Variants in RLBP1 observed in about 807,000 individuals in gnomAD.
RLBP1 encodes the protein retinaldehyde-binding protein 1.
RLBP1 carries 26 observed loss-of-function variants against 36.2 expected under a neutral mutation model. The observed-to-expected ratio is 0.72, with a 90% CI of 0.53 to 1.00. The LOEUF (loss-of-function observed/expected upper bound fraction) is 1.00, where lower values mean the gene tolerates loss of function less well. Among genes scored for constraint, RLBP1 ranks in the 50% least tolerant of loss-of-function variants. The probability of loss-of-function intolerance (pLI) is 0.00; values close to 1 mark genes in which losing one functional copy is unlikely to be tolerated. For missense variants in RLBP1, 410 were observed against 402.4 expected (o/e 1.02, Z -0.16); for synonymous variants, 155 against 156.2 (o/e 0.99, Z 0.06).
chr15:89,215,225 G>A lies in RLBP1; in HGVS notation c.360C>T (p.Phe120=). ...AYELLRGYVN[F]RLQYPELFDS... is the part of the protein sequence containing the mutation. Reference sequence around the variant, plus strand: ...CAAAGAGCTCAGGGTACTGCAGCCGGAAATTCACATAGCCTGGAGGAAGGA... The same window carrying A: ...CAAAGAGCTCAGGGTACTGCAGCCGAAAATTCACATAGCCTGGAGGAAGGA... The change falls in exon 6 of 9, where the codon TTC becomes TTT. Residue 120 remains phenylalanine, a synonymous_variant. Transcript: ENST00000268125. 6 of 1,614,156 alleles carry A rather than the reference G, an allele frequency of 3.7e-6. No homozygotes were observed. Among genetic ancestry groups the A allele is most frequent in the Non-Finnish European group, 5.1e-6 (6 of 1,180,026 alleles).
rs1264366463 is a variant in RLBP1, at chr15:89,211,991, T to C, written c.526-90A>G. On this transcript the variant is annotated intron_variant, in intron 6 of 8. Coordinates refer to ENST00000268125, the MANE Select transcript of RLBP1 (RefSeq NM_000326.5). This position sits in a 1 kb window ranked among gnomAD's most constrained non-coding sequence, Gnocchi z 5.8. Reference sequence around the variant, plus strand: ...GAGGGGAGAGCTAATTGGTACATTCTTCACTGGGGTAATTTGCTGCAGGCT... The same window carrying C: ...GAGGGGAGAGCTAATTGGTACATTCCTCACTGGGGTAATTTGCTGCAGGCT... The C allele has an allele frequency of 7.6e-7, 1 of 1,320,868 alleles. No homozygotes were observed. The highest frequency in any genetic ancestry group is 1.4e-5 in the African/African-American group (1 of 69,230). The allele number at this position is 1,320,868 out of a possible 1,614,324, so 81.8% of individuals were successfully genotyped here. A position where few individuals can be genotyped will look rare whatever the true frequency, so the allele number is the denominator to read the frequency against.
At chr15:89,216,696 A>C (rs2051583671) in intron 5 of RLBP1, among the ~76,000 whole-genome samples, 1 of 152,214 alleles carries the variant, frequency 6.6e-6, no homozygotes, top group Non-Finnish European at 1.5e-5. Context: ...GTTCATTCCC[A>C]GGTCTGACAC....
chr15:89,213,993 C>G (rs1479177281), intron 6 of RLBP1, among the ~76,000 whole-genome samples: 2 of 152,018 alleles, frequency 1.3e-5, no homozygotes, highest in Non-Finnish European at 2.9e-5. Flanking sequence ...ATCATCGAAA[C>G]AGTATGATAT....
chr15:89,211,668 A>C lies in RLBP1; in HGVS notation c.684+75T>G. 4 of 1,509,100 alleles carry C rather than the reference A, an allele frequency of 2.7e-6. No homozygotes were observed. Among genetic ancestry groups the C allele is most frequent in the Non-Finnish European group, 2.7e-6 (3 of 1,093,550 alleles). The allele number at this position is 1,509,100 out of a possible 1,614,324, so 93.5% of individuals were successfully genotyped here. A position where few individuals can be genotyped will look rare whatever the true frequency, so the allele number is the denominator to read the frequency against. ...TCCAACTTCTCAGTTCCCTGCAAGC[A>C]CCATGAAAGGAGGCCCAGCCTCTCA... On this transcript the variant is annotated intron_variant, in intron 7 of 8. Coordinates refer to ENST00000268125, the MANE Select transcript of RLBP1 (RefSeq NM_000326.5). The surrounding 1 kb of genome is among the most constrained non-coding windows in gnomAD (Gnocchi z 5.8).
At position 89,211,739 on chromosome 15, in the gene RLBP1, T is replaced by C; in HGVS notation, c.684+4A>G. On this transcript the variant is annotated splice_donor_region_variant and intron_variant, in intron 7 of 8. Transcript: ENST00000268125. This position sits in a 1 kb window ranked among gnomAD's most constrained non-coding sequence, Gnocchi z 5.8. ...CTGCCGTGCGACAGAACTCTAAGCC[T>C]CACCTGGAGCATGTCCACCATCTTC... is the stretch of plus-strand genomic sequence containing the variant. 1 of 1,613,588 alleles carries C rather than the reference T, an allele frequency of 6.2e-7. No individual in the cohort carries two copies. Among genetic ancestry groups the C allele is most frequent in the Non-Finnish European group, 8.5e-7 (1 of 1,179,976 alleles).
chr15:89,219,342 T>C (rs552817501), intron 2 of RLBP1, among the ~76,000 whole-genome samples: 2 of 152,288 alleles, frequency 1.3e-5, no homozygotes, highest in Non-Finnish European at 1.5e-5. Flanking sequence ...GCTCAGTCCT[T>C]AGATGTTAAA....
Position 89,211,127 on chromosome 15 carries a change from C to A in RLBP1, c.685-318G>T, listed in dbSNP as rs1371323818. ...ACCTTTTGGTGAGTTTTTTCAAACC[C>A]ACTTGCCTGCCGAAGGGACTGCAAA... is the stretch of plus-strand genomic sequence containing the variant. On this transcript the variant is annotated intron_variant, in intron 7 of 8. Coordinates refer to ENST00000268125, the MANE Select transcript of RLBP1 (RefSeq NM_000326.5). This position sits in a 1 kb window ranked among gnomAD's most constrained non-coding sequence, Gnocchi z 5.8. 6.6e-6 allele frequency among the ~76,000 whole-genome samples: 1 copy of A among 152,124 alleles called. No homozygotes were observed. Among genetic ancestry groups the A allele is most frequent in the East Asian group, 1.9e-4 (1 of 5,188 alleles).
At position 89,211,603 on chromosome 15, in the gene RLBP1, TG is replaced by T; in HGVS notation, c.684+139del. ...CAATCACTATGCAGGTGCTTATGGTTGGGACTGTGGCTGTCACTGCTCTTTA... is the reference window on the plus strand; with the variant it reads ...CAATCACTATGCAGGTGCTTATGGTTGGACTGTGGCTGTCACTGCTCTTTA... On this transcript the variant is annotated intron_variant, in intron 7 of 8. Coordinates refer to ENST00000268125, the MANE Select transcript of RLBP1 (RefSeq NM_000326.5). The surrounding 1 kb of genome is among the most constrained non-coding windows in gnomAD (Gnocchi z 5.8). 1.3e-6 allele frequency: 1 copy of T among 772,210 alleles called. No homozygotes were observed. The highest frequency in any genetic ancestry group is 1.7e-5 in the South Asian group (1 of 60,050). 47.8% of individuals were successfully genotyped at this position (772,210 alleles called of 1,614,324 possible).
In RLBP1 at chr15:89,218,857, T is replaced by A; in HGVS notation, c.12+107A>T. On this transcript the variant is annotated intron_variant, in intron 3 of 8. Transcript: ENST00000268125. This position sits in a 1 kb window ranked among gnomAD's most constrained non-coding sequence, Gnocchi z 4.6. ...CAGGGGTTATAGAAGTGTGTGCCTA[T>A]ATTCCCGGGCAGAGCATAAGATAGA... 2 of 1,513,008 alleles carry A rather than the reference T, an allele frequency of 1.3e-6. No homozygotes were observed. The highest frequency in any genetic ancestry group is 4.5e-5 in the East Asian group (2 of 44,202). The allele number at this position is 1,513,008 out of a possible 1,614,324, so 93.7% of individuals were successfully genotyped here.
In RLBP1 at chr15:89,218,524, CCT is replaced by C. The variant is rs757485741; in HGVS notation, c.141+39_141+40del. ...ATGCAGTCATGTTCCCCTCATGTTG[CCT>C]CCCTAGGCTGCTCCTCTCCGCACTG... On this transcript the variant is annotated intron_variant, in intron 4 of 8. Coordinates refer to ENST00000268125, the MANE Select transcript of RLBP1 (RefSeq NM_000326.5). The surrounding 1 kb of genome is among the most constrained non-coding windows in gnomAD (Gnocchi z 4.6). 4.3e-6 allele frequency: 7 copies of C among 1,613,896 alleles called. No individual in the cohort carries two copies. The South Asian group carries it at 7.7e-5, about 18-fold the overall frequency.
chr15:89,215,350 G>T, intron 5 of RLBP1, 112 bp from the exon 6 acceptor site: 2 of 1,004,242 alleles, frequency 2.0e-6, no homozygotes, highest in Non-Finnish European at 1.5e-6. Context: ...GTGTGACCGA[G>T]CTGGCTACTC....
chr15:89,218,592 G>A lies in RLBP1; in HGVS notation c.114C>T (p.Ser38=). The A allele has an allele frequency of 5.0e-6, 8 of 1,614,118 alleles. No individual in the cohort carries two copies. The highest frequency in any genetic ancestry group is 5.1e-6 in the Non-Finnish European group (6 of 1,180,028). ...KDHGPVFGPC[S]QLPRHTLQKA... Reference sequence around the variant, plus strand: ...TCTGCAAGGTGTGGCGGGGCAGCTGGCTGCACGGGCCAAAGACAGGTCCAT... The same window carrying A: ...TCTGCAAGGTGTGGCGGGGCAGCTGACTGCACGGGCCAAAGACAGGTCCAT... Residue 38 remains serine, a synonymous_variant, in exon 4 of 9, where the codon AGC becomes AGT. Transcript: ENST00000268125. This position sits in a 1 kb window ranked among gnomAD's most constrained non-coding sequence, Gnocchi z 4.6.
chr15:89,212,585 CAAAAAA>C (rs112344412), intron 6 of RLBP1, among the ~76,000 whole-genome samples: 1 of 111,468 alleles, frequency 9.0e-6, no homozygotes, highest in Non-Finnish European at 1.9e-5. Flanking sequence ...AACTGTGTCT[CAAAAAA>C]AAAAAAAAAA....
rs1404285770 is a variant in RLBP1 at position 89,211,853 on chromosome 15, C to T, written c.574G>A (p.Glu192Lys). ...ATGCAGAAGCCATTGATTTGAGTTTCCTCATTCTCCAGCAGCTTCTCCAGG... is the reference window on the plus strand; with the variant it reads ...ATGCAGAAGCCATTGATTTGAGTTTTCTCATTCTCCAGCAGCTTCTCCAGG... ...FILEKLLENE[E>K]TQINGFCIIE... The change falls in exon 7 of 9, where the codon GAA becomes AAA. Residue 192 changes from glutamate (E) to lysine (K), a missense_variant. Coordinates refer to ENST00000268125, the MANE Select transcript of RLBP1 (RefSeq NM_000326.5). The surrounding 1 kb of genome is among the most constrained non-coding windows in gnomAD (Gnocchi z 5.8). 2 of 1,614,208 alleles carry T rather than the reference C, an allele frequency of 1.2e-6. No homozygotes were observed. The highest frequency in any genetic ancestry group is 1.3e-5 in the African/African-American group (1 of 75,060).
In RLBP1 at chr15:89,214,958, G is replaced by A; in HGVS notation, c.525+102C>T. 4 of 1,274,392 alleles carry A rather than the reference G, an allele frequency of 3.1e-6. No individual in the cohort carries two copies. The South Asian group carries it at 4.8e-5, about 15-fold the overall frequency. 78.9% of individuals were successfully genotyped at this position (1,274,392 alleles called of 1,614,324 possible). ...GGCTGCCCACCTTTCCCCCTCTACA[G>A]ACCTTGCCTCCTGGAGAACCAGGAA... On this transcript the variant is annotated intron_variant, in intron 6 of 8. Coordinates refer to ENST00000268125, the MANE Select transcript of RLBP1 (RefSeq NM_000326.5). This position sits in a 1 kb window ranked among gnomAD's most constrained non-coding sequence, Gnocchi z 4.6.
Position 89,218,659 on chromosome 15 carries a change from T to C in RLBP1, c.47A>G (p.Gln16Arg). 6.2e-7 allele frequency: 1 copy of C among 1,614,262 alleles called. No homozygotes were observed. Among genetic ancestry groups the C allele is most frequent in the South Asian group, 1.1e-5 (1 of 91,090 alleles). The change falls in exon 4 of 9, where the codon CAG becomes CGG. Residue 16 changes from glutamine (Q) to arginine (R), a missense_variant. Gln to Arg is a conservative substitution (Grantham distance 43). Transcript: ENST00000268125. This position sits in a 1 kb window ranked among gnomAD's most constrained non-coding sequence, Gnocchi z 4.6. ...GTFRMVPEEE[Q>R]ELRAQLEQLT... ...CTGCTCCAGTTGGGCACGGAGCTCC[T>C]GTTCCTCTTCAGGTACCATGCGGAA...
intron 5 of RLBP1, among the ~76,000 whole-genome samples, chr15:89,216,545 C>G (rs1441044952): frequency 6.6e-6 from 1 of 152,196 alleles, no homozygotes; most frequent in Non-Finnish European, 1.5e-5. Context: ...TGGTCTCAAA[C>G]CCCCGACTTC....
At position 89,219,152 on chromosome 15, in the gene RLBP1, C is replaced by A. The variant is rs373720440; in HGVS notation, c.-100-77G>T. On this transcript the variant is annotated intron_variant, in intron 2 of 8. Coordinates refer to ENST00000268125, the MANE Select transcript of RLBP1 (RefSeq NM_000326.5). ...AAACTTTCAATTGCATCAGAATCAC[C>A]CGAGGCATTTGTTAGAAACGCAGGT... 555 of 746,922 alleles carry A rather than the reference C, an allele frequency of 7.4e-4. 6 individuals carry two copies. In the South Asian group the frequency reaches 8.2e-3, roughly 11 times the overall value. The allele number at this position is 746,922 out of a possible 1,614,324, so 46.3% of individuals were successfully genotyped here.
In RLBP1 at chr15:89,210,594, G is replaced by A. The variant is rs930679038; in HGVS notation, c.795+105C>T. 1.6e-6 allele frequency: 2 copies of A among 1,232,406 alleles called. No homozygotes were observed. Among genetic ancestry groups the A allele is most frequent in the African/African-American group, 1.5e-5 (1 of 67,204 alleles). The allele number at this position is 1,232,406 out of a possible 1,614,324, so 76.3% of individuals were successfully genotyped here. A position where few individuals can be genotyped will look rare whatever the true frequency, so the allele number is the denominator to read the frequency against. On this transcript the variant is annotated intron_variant, in intron 8 of 8. Coordinates refer to ENST00000268125, the MANE Select transcript of RLBP1 (RefSeq NM_000326.5). This position sits in a 1 kb window ranked among gnomAD's most constrained non-coding sequence, Gnocchi z 4.7. ...CCGCAGGTCTCCATGTTGGGTGTCA[G>A]TGGGATCCACATAGCTCAGGACCAT... is the stretch of plus-strand genomic sequence containing the variant.
Sources: gnomAD v4.1 joint callset for allele counts (sites outside exome capture counted in the v4.1 genomes callset) on GRCh38, gnomAD v4.1.1 for gene constraint, Gnocchi (gnomAD v3.1) non-coding constraint, MANE v1.5 for transcripts, NCBI Gene and HGNC (gene_info 2026-07-23, HGNC 2026-07-21) for gene names.